Variants in PCDHGA7 observed in about 807,000 individuals in gnomAD.
PCDHGA7 encodes protocadherin gamma-A7.
Under a neutral mutation model 58.3 loss-of-function variants are expected in PCDHGA7, and 44 were observed. The observed-to-expected ratio is 0.75, with a 90% CI of 0.59 to 0.97. The LOEUF (loss-of-function observed/expected upper bound fraction) is 0.97, where lower values mean the gene tolerates loss of function less well. PCDHGA7 is among the 50% of genes least tolerant of loss of function. The pLI is 0.00. For synonymous variants in PCDHGA7, 516 were observed against 504.2 expected (o/e 1.02, Z -0.31); for missense variants, 1,266 against 1,188.7 (o/e 1.06, Z -0.96).
Position 141,490,583 on chromosome 5 carries a change from A to G in PCDHGA7, c.2425-4224A>G, listed in dbSNP as rs2099701693. ...ATCAGGCTCAACATTTCAGATGTCAATGACAATGCACCCCGCTTCAACCAG... is the reference window on the plus strand; with the variant it reads ...ATCAGGCTCAACATTTCAGATGTCAGTGACAATGCACCCCGCTTCAACCAG... On this transcript the variant is annotated intron_variant, in intron 1 of 3. Coordinates refer to ENST00000518325, the MANE Select transcript of PCDHGA7 (RefSeq NM_018920.4). This position sits in a 1 kb window ranked among gnomAD's most constrained non-coding sequence, Gnocchi z 5.4. 2.5e-6 allele frequency: 4 copies of G among 1,614,138 alleles called. No homozygotes were observed. Among genetic ancestry groups the G allele is most frequent in the African/African-American group, 1.3e-5 (1 of 75,032 alleles).
In PCDHGA7 at chr5:141,398,664, A is replaced by G. The variant is rs762356100; in HGVS notation, c.2424+13341A>G. The G allele has an allele frequency of 4.3e-6, 7 of 1,612,604 alleles. No individual in the cohort carries two copies. In the East Asian group the frequency reaches 8.9e-5, roughly 21 times the overall value. ...AACTCTCTCTTAACCCAAGTTTCTC[A>G]TTAATAATTAAGGAGAAACAGGATG... On this transcript the variant is annotated intron_variant, in intron 1 of 3. Transcript: ENST00000518325.
At chr5:141,429,571 A>G (rs1221285032) in intron 1 of PCDHGA7, among the ~76,000 whole-genome samples, 2 of 152,156 alleles carry the variant, frequency 1.3e-5, no homozygotes, top group Non-Finnish European at 2.9e-5. Flanking sequence ...ATTCAGTTAC[A>G]TTTACTTTTG....
At chr5:141,427,898 C>T in intron 1 of PCDHGA7, 4 of 1,570,874 alleles carry the variant, frequency 2.5e-6, no homozygotes, top group African/African-American at 1.3e-5. Flanking sequence ...AGGGCTCGCC[C>T]GCGCTCAGCG....
chr5:141,425,194 A>G (rs1464968527), intron 1 of PCDHGA7, among the ~76,000 whole-genome samples: 1 of 152,206 alleles, frequency 6.6e-6, no homozygotes, highest in Non-Finnish European at 1.5e-5. Context: ...CAAACTGAGA[A>G]AAATGATGTA....
At chr5:141,500,167 A>C (rs976308963) in intron 2 of PCDHGA7, among the ~76,000 whole-genome samples, 1 of 150,656 alleles carries the variant, frequency 6.6e-6, no homozygotes, top group African/African-American at 2.4e-5. Context: ...AAGAACATGC[A>C]TGAGCTTCAT....
intron 1 of PCDHGA7, among the ~76,000 whole-genome samples, chr5:141,402,239 T>A (rs1361940803): frequency 6.6e-6 from 1 of 152,066 alleles, no homozygotes; most frequent in African/African-American, 2.4e-5. Flanking sequence ...AGGAATTTTA[T>A]CATCAAAATA....
chr5:141,497,217 G>A (rs1046945884), intron 2 of PCDHGA7, among the ~76,000 whole-genome samples: 1 of 152,066 alleles, frequency 6.6e-6, no homozygotes, highest in African/African-American at 2.4e-5. Flanking sequence ...AATGGGGGGG[G>A]GAAGATCAGA....
rs374663576 is a variant in PCDHGA7 at position 141,489,905 on chromosome 5, G to A, written c.2425-4902G>A. The A allele has an allele frequency of 2.8e-4, 459 of 1,614,108 alleles. No homozygotes were observed. Among genetic ancestry groups the A allele is most frequent in the Non-Finnish European group, 3.4e-4 (405 of 1,180,054 alleles). On this transcript the variant is annotated intron_variant, in intron 1 of 3. Coordinates refer to ENST00000518325, the MANE Select transcript of PCDHGA7 (RefSeq NM_018920.4). The surrounding 1 kb of genome is among the most constrained non-coding windows in gnomAD (Gnocchi z 4.5). ...GCTGTGGATGGGGGGACCCCAGCCC[G>A]CTCAGGGACCACCCTTATCTCTGTC...
At chr5:141,402,947 G>A in intron 1 of PCDHGA7, 1 of 1,592,724 alleles carries the variant, frequency 6.3e-7, no homozygotes, top group South Asian at 1.1e-5. Flanking sequence ...CCAAAGCGAG[G>A]CAGCAATGGC....
intron 1 of PCDHGA7, among the ~76,000 whole-genome samples, chr5:141,481,245 T>C (rs1362728826): frequency 6.6e-6 from 1 of 152,194 alleles, no homozygotes; most frequent in East Asian, 1.9e-4. Context: ...TTACATAGCA[T>C]AGCTCTAAAA....
In PCDHGA7 at chr5:141,418,400, G is replaced by C; in HGVS notation, c.2424+33077G>C. ...AAGTCCTAACGAGTATTTCTCATTGGTGGAGAAAGACAATCCTGATGGTGG... is the reference window on the plus strand; with the variant it reads ...AAGTCCTAACGAGTATTTCTCATTGCTGGAGAAAGACAATCCTGATGGTGG... On this transcript the variant is annotated intron_variant, in intron 1 of 3. Coordinates refer to ENST00000518325, the MANE Select transcript of PCDHGA7 (RefSeq NM_018920.4). The C allele has an allele frequency of 6.2e-7, 1 of 1,613,900 alleles. No homozygotes were observed. The highest frequency in any genetic ancestry group is 8.5e-7 in the Non-Finnish European group (1 of 1,179,794).
At position 141,486,315 on chromosome 5, in the gene PCDHGA7, C is replaced by T. The variant is rs1432435944; in HGVS notation, c.2425-8492C>T. The T allele has an allele frequency of 6.2e-7, 1 of 1,614,066 alleles. No individual in the cohort carries two copies. Among genetic ancestry groups the T allele is most frequent in the East Asian group, 2.2e-5 (1 of 44,862 alleles). ...AGTGTGCAGGATCCAGACTCAGGGT[C>T]AAACGGAGATGTGAGCCTCCGCATT... On this transcript the variant is annotated intron_variant, in intron 1 of 3. Transcript: ENST00000518325. The surrounding 1 kb of genome is among the most constrained non-coding windows in gnomAD (Gnocchi z 5.0).
chr5:141,472,200 C>A (rs2099274166), intron 1 of PCDHGA7, among the ~76,000 whole-genome samples: 1 of 152,110 alleles, frequency 6.6e-6, no homozygotes, highest in Non-Finnish European at 1.5e-5. Flanking sequence ...ATCTTTTTGA[C>A]ACTAAGACCT....
Position 141,491,834 on chromosome 5 carries a change from CG to C in PCDHGA7, c.2425-2970del. On this transcript the variant is annotated intron_variant, in intron 1 of 3. Transcript: ENST00000518325. This position sits in a 1 kb window ranked among gnomAD's most constrained non-coding sequence, Gnocchi z 6.9. ...CGCTGGCTGCGCTCCACCCGATTCT[CG>C]GGATCATTGGACCGTTTGCGCGAAA... 1 of 1,473,830 alleles carries C rather than the reference CG, an allele frequency of 6.8e-7. No homozygotes were observed. Among genetic ancestry groups the C allele is most frequent in the Middle Eastern group, 1.8e-4 (1 of 5,590 alleles). The allele number at this position is 1,473,830 out of a possible 1,614,324, so 91.3% of individuals were successfully genotyped here.
At chr5:141,409,919 G>A in intron 1 of PCDHGA7, 1 of 1,613,346 alleles carries the variant, frequency 6.2e-7, no homozygotes, top group Non-Finnish European at 8.5e-7. Flanking sequence ...TGACGGCTCC[G>A]CGTTCTTCGA....
At chr5:141,403,444 G>A (rs2094408321) in intron 1 of PCDHGA7, 1 of 1,613,906 alleles carries the variant, frequency 6.2e-7, no homozygotes, top group African/African-American at 1.3e-5. Flanking sequence ...ATGTTGGCGT[G>A]AACTCCCTCC....
At position 141,413,202 on chromosome 5, in the gene PCDHGA7, GGAATC is replaced by G. The variant is rs766359797; in HGVS notation, c.2424+27880_2424+27884del. 6.8e-6 allele frequency: 11 copies of G among 1,611,944 alleles called. No homozygotes were observed. The East Asian group carries it at 2.2e-4, about 33-fold the overall frequency. On this transcript the variant is annotated intron_variant, in intron 1 of 3. Coordinates refer to ENST00000518325, the MANE Select transcript of PCDHGA7 (RefSeq NM_018920.4). ...TGGCCGCTCAAAGGAATCGCTCAAAGGAATCAAAGGATTGCAGCGGGCTGGTCCTG... is the reference window on the plus strand; with the variant it reads ...TGGCCGCTCAAAGGAATCGCTCAAAGAAAGGATTGCAGCGGGCTGGTCCTG...
chr5:141,408,863 C>T, intron 1 of PCDHGA7: 1 of 1,613,604 alleles, frequency 6.2e-7, no homozygotes, highest in Non-Finnish European at 8.5e-7. Context: ...AGGGGACCCA[C>T]CAAGAAGTGC....
chr5:141,413,188 A>C, intron 1 of PCDHGA7: 4 of 1,606,680 alleles, frequency 2.5e-6, no homozygotes, highest in Non-Finnish European at 3.4e-6. Flanking sequence ...GGCCGCTCAA[A>C]GGAATCGCTC....
Sources: gnomAD v4.1 joint callset for allele counts (sites outside exome capture counted in the v4.1 genomes callset) on GRCh38, gnomAD v4.1.1 for gene constraint, Gnocchi (gnomAD v3.1) non-coding constraint, MANE v1.5 for transcripts, NCBI Gene and HGNC (gene_info 2026-07-23, HGNC 2026-07-21) for gene names.